PSMD1: variants seen among roughly 807,000 people sequenced by gnomAD.
PSMD1 encodes the protein proteasome 26S subunit, non-ATPase 1, also known as 26S proteasome non-ATPase regulatory subunit 1.
In PSMD1, 18 loss-of-function variants were observed where a neutral mutation model predicts 119.0. The ratio of observed to expected loss-of-function variants is 0.15; its 90% CI spans 0.10 to 0.22. The LOEUF (loss-of-function observed/expected upper bound fraction) is 0.22. PSMD1 is among the 10% of genes least tolerant of loss of function. The pLI is 1.00. For synonymous variants in PSMD1, 374 were observed against 396.6 expected (o/e 0.94, Z 0.68); for missense variants, 702 against 1,158.5 (o/e 0.61, Z 5.72).
At chr2:231,101,727 C>T (rs1305388053) in intron 16 of PSMD1, among the ~76,000 whole-genome samples, 1 of 152,180 alleles carries the variant, frequency 6.6e-6, no homozygotes, top group Non-Finnish European at 1.5e-5. Context: ...TCAGAAGCCA[C>T]CAACATCAGG....
chr2:231,165,367 T>C, intron 22 of PSMD1, 81 bp downstream of exon 22: 10 of 1,400,150 alleles, frequency 7.1e-6, no homozygotes, highest in Non-Finnish European at 9.5e-6. Flanking sequence ...TTGAATATTA[T>C]TCTACCTTGC....
intron 5 of PSMD1, 53 bp downstream of exon 5, chr2:231,067,164 C>A: frequency 3.7e-6 from 5 of 1,343,700 alleles, no homozygotes; most frequent in South Asian, 1.5e-5. Context: ...ATCAGCAAAG[C>A]AAGTTATTCA....
intron 16 of PSMD1, among the ~76,000 whole-genome samples, chr2:231,133,205 C>T (rs1160571868): frequency 1.3e-5 from 2 of 152,124 alleles, no homozygotes; most frequent in Admixed American, 1.3e-4. Context: ...GTCGCCCAGC[C>T]TCCTGAGTAG....
chr2:231,155,139 C>T lies in PSMD1; in HGVS notation c.2218+1473C>T, dbSNP rs1031572442. Among the ~76,000 whole-genome samples, 5 of 152,202 alleles carry T rather than the reference C, an allele frequency of 3.3e-5. No individual in the cohort carries two copies. In the East Asian group the frequency reaches 9.6e-4, roughly 29 times the overall value. On this transcript the variant is annotated intron_variant, in intron 19 of 24. Transcript: ENST00000308696. ...ATGTGATTCTTTTTCTTGATGTACC[C>T]TATCCATGTGAATATAATCCTTTTT...
At position 231,066,979 on chromosome 2, in the gene PSMD1, T is replaced by G. The variant is rs543561724; in HGVS notation, c.378T>G (p.Ile126Met). 6.2e-7 allele frequency: 1 copy of G among 1,613,372 alleles called. No homozygotes were observed. Among genetic ancestry groups the G allele is most frequent in the South Asian group, 1.1e-5 (1 of 90,898 alleles). Residue 126 changes from isoleucine to methionine, a missense_variant, in exon 5 of 25, where the codon ATT becomes ATG. Coordinates refer to ENST00000308696, the MANE Select transcript of PSMD1 (RefSeq NM_002807.4). ...TGCCTGAAGGAGAAAAAAAACCAAT[T>G]GACCAGAGATTGGAAGGCATCGTAA... is the stretch of plus-strand genomic sequence containing the variant. ...ADLPEGEKKP[I>M]DQRLEGIVNK...
At chr2:231,075,431 A>G in intron 7 of PSMD1, 80 bp from the exon 8 acceptor site, 1 of 1,272,226 alleles carries the variant, frequency 7.9e-7, no homozygotes, top group Non-Finnish European at 1.1e-6. Flanking sequence ...CAAAATATTC[A>G]ATTTGGACAT....
At chr2:231,166,054 G>T in intron 23 of PSMD1, 37 bp downstream of exon 23, 1 of 1,546,208 alleles carries the variant, frequency 6.5e-7, no homozygotes, top group Non-Finnish European at 8.8e-7. Context: ...ATATACCAGT[G>T]GGATATTAAT....
At chr2:231,098,580 C>A (rs914060361) in intron 16 of PSMD1, among the ~76,000 whole-genome samples, 11 of 151,790 alleles carry the variant, frequency 7.2e-5, no homozygotes, top group Admixed American at 5.9e-4. Context: ...TCTCTCTCCC[C>A]TCTCTGCTGT....
intron 19 of PSMD1, among the ~76,000 whole-genome samples, chr2:231,154,513 G>A (rs1056863278): frequency 2.0e-5 from 3 of 152,194 alleles, no homozygotes; most frequent in African/African-American, 7.2e-5. Flanking sequence ...TGTCACCCAA[G>A]CCGGAGTGCA....
At chr2:231,127,500 G>A (rs189897595) in intron 16 of PSMD1, among the ~76,000 whole-genome samples, 10 of 152,082 alleles carry the variant, frequency 6.6e-5, no homozygotes, top group Middle Eastern at 3.4e-3. Flanking sequence ...GATTACAGGC[G>A]CCTGCCACCA....
intron 16 of PSMD1, among the ~76,000 whole-genome samples, chr2:231,117,208 C>T (rs1016121536): frequency 2.8e-4 from 43 of 151,826 alleles, no homozygotes; most frequent in Non-Finnish European, 5.6e-4. Flanking sequence ...TATTTCAAAA[C>T]GTTTATTTTA....
chr2:231,139,271 TG>T (rs1044003806), intron 17 of PSMD1, among the ~76,000 whole-genome samples: 7 of 151,468 alleles, frequency 4.6e-5, no homozygotes, highest in African/African-American at 1.7e-4. Context: ...CCCACAGTGC[TG>T]GGATTACAGG....
At position 231,077,107 on chromosome 2, in the gene PSMD1, T is replaced by C; in HGVS notation, c.1016T>C (p.Leu339Pro). ...GGTGAAATGGCTATTGAGTTACATC[T>C]GCAGTTCTTAATACGAAACAATAAT... ...LSGEMAIELH[L>P]QFLIRNNNTD... Residue 339 changes from leucine (L) to proline (P), a missense_variant, in exon 9 of 25, where the codon CTG becomes CCG. Coordinates refer to ENST00000308696, the MANE Select transcript of PSMD1 (RefSeq NM_002807.4). The C allele has an allele frequency of 6.3e-7, 1 of 1,597,752 alleles. No homozygotes were observed. Among genetic ancestry groups the C allele is most frequent in the Non-Finnish European group, 8.6e-7 (1 of 1,168,080 alleles).
Position 231,067,105 on chromosome 2 carries a change from G to A in PSMD1, c.504G>A (p.Leu168=). 1 of 1,586,836 alleles carries A rather than the reference G, an allele frequency of 6.3e-7. No homozygotes were observed. The highest frequency in any genetic ancestry group is 8.5e-7 in the Non-Finnish European group (1 of 1,170,338). The change falls in exon 5 of 25, where the codon CTG becomes CTA. Residue 168 remains leucine, a synonymous_variant. Coordinates refer to ENST00000308696, the MANE Select transcript of PSMD1 (RefSeq NM_002807.4). The part of the protein sequence containing the change: ...RRLDVFEKTI[L]ESNDVPGMLA... ...TGGACGTCTTTGAAAAGACCATACTGGAGTCGGTAGGTAGATGATGTTATT... is the reference window on the plus strand; with the variant it reads ...TGGACGTCTTTGAAAAGACCATACTAGAGTCGGTAGGTAGATGATGTTATT...
At position 231,143,164 on chromosome 2, in the gene PSMD1, A is replaced by T. The variant is rs143820191; in HGVS notation, c.1999-3076A>T. ...TATTTTTTTTTTAACTCTAATCTCA[A>T]TGACAGATTAAAGGAACGTTGTGGG... On this transcript the variant is annotated intron_variant, in intron 17 of 24. Coordinates refer to ENST00000308696, the MANE Select transcript of PSMD1 (RefSeq NM_002807.4). Among the ~76,000 whole-genome samples the T allele has an allele frequency of 3.3e-3, 495 of 151,038 alleles. 5 individuals carry two copies. Among genetic ancestry groups the T allele is most frequent in the Middle Eastern group, 0.028 (8 of 290 alleles).
At chr2:231,102,022 G>A (rs765080156) in intron 16 of PSMD1, among the ~76,000 whole-genome samples, 3 of 152,134 alleles carry the variant, frequency 2.0e-5, no homozygotes, top group Admixed American at 6.5e-5. Context: ...GTCTCACTGT[G>A]TTGCCCAGGC....
chr2:231,139,573 A>G (rs560334793), intron 17 of PSMD1, among the ~76,000 whole-genome samples: 20 of 144,488 alleles, frequency 1.4e-4, no homozygotes, highest in South Asian at 4.2e-4. Flanking sequence ...AAAAAAAAAA[A>G]AAGAAGAAGA....
intron 16 of PSMD1, among the ~76,000 whole-genome samples, chr2:231,113,262 A>G (rs139982533): frequency 1.5e-3 from 225 of 152,260 alleles, no homozygotes; most frequent in Non-Finnish European, 2.6e-3. Flanking sequence ...TCCAAGATGA[A>G]TTTGTGTTCT....
At chr2:231,058,054 G>A (rs1024337263) in intron 1 of PSMD1, among the ~76,000 whole-genome samples, 9 of 152,306 alleles carry the variant, frequency 5.9e-5, no homozygotes, top group African/African-American at 9.6e-5. Context: ...ACTGGGAGAC[G>A]TAGTTACTTT....
Sources: gnomAD v4.1 joint callset for allele counts (sites outside exome capture counted in the v4.1 genomes callset) on GRCh38, gnomAD v4.1.1 for gene constraint, MANE v1.5 for transcripts, NCBI Gene and HGNC (gene_info 2026-07-23, HGNC 2026-07-21) for gene names.